Variants in PRG4 observed in about 807,000 individuals in gnomAD.
PRG4 encodes the protein proteoglycan 4.
A neutral mutation model predicts 91.2 loss-of-function variants in PRG4; 61 were observed. That is an observed-to-expected ratio of 0.67 (90% CI 0.54 to 0.83). PRG4 has a LOEUF of 0.83. Ranked by LOEUF, PRG4 falls within the 40% of genes least tolerant of loss-of-function variation. The pLI is 0.00. For missense variants in PRG4, 1,564 were observed against 1,714.2 expected (o/e 0.91, Z 1.55); for synonymous variants, 576 against 614.2 (o/e 0.94, Z 0.92).
In PRG4 at chr1:186,300,231, G is replaced by A. The variant is rs541693900; in HGVS notation, c.199+18G>A. 4 of 1,613,298 alleles carry A rather than the reference G, an allele frequency of 2.5e-6. No homozygotes were observed. The South Asian group carries it at 4.4e-5, about 18-fold the overall frequency. ...CACTGCGGGTAAGTCCTGAGAGCGG[G>A]TGTCTCCTCTGTCAAGCAACACTGC... On this transcript the variant is annotated intron_variant, in intron 3 of 12. Transcript: ENST00000445192.
chr1:186,311,409 G>T, intron 9 of PRG4, 31 bp from the exon 10 acceptor site: 1 of 1,602,052 alleles, frequency 6.2e-7, no homozygotes, highest in South Asian at 1.1e-5. Flanking sequence ...TCCCAAAGCT[G>T]ATAACATAAT....
At chr1:186,304,768 G>T in intron 5 of PRG4, 26 bp from the exon 6 acceptor site, 2 of 1,604,788 alleles carry the variant, frequency 1.2e-6, no homozygotes, top group Non-Finnish European at 1.7e-6. Flanking sequence ...CAGTTGGTGT[G>T]ATCAAACTTT....
chr1:186,312,406 A>G, intron 11 of PRG4, 34 bp downstream of exon 11: 2 of 1,557,242 alleles, frequency 1.3e-6, no homozygotes, highest in Non-Finnish European at 1.8e-6. Flanking sequence ...AAATCCTTAA[A>G]CATAAGTAGA....
intron 1 of PRG4, among the ~76,000 whole-genome samples, chr1:186,296,563 A>G (rs1396715320): frequency 6.6e-6 from 1 of 152,210 alleles, no homozygotes; most frequent in African/African-American, 2.4e-5. Flanking sequence ...TACATGCCAT[A>G]CTTTGGCTAG....
At chr1:186,303,511 A>G (rs1656353709) in intron 4 of PRG4, among the ~76,000 whole-genome samples, 1 of 152,044 alleles carries the variant, frequency 6.6e-6, no homozygotes, top group African/African-American at 2.4e-5. Context: ...GAGAAGCGGA[A>G]AAGGGAAGGG....
intron 6 of PRG4, among the ~76,000 whole-genome samples, chr1:186,305,898 G>C (rs1656523622): frequency 6.6e-6 from 1 of 152,180 alleles, no homozygotes; most frequent in Admixed American, 6.5e-5. Context: ...AGAGGTAGCT[G>C]TAGAGGCCTC....
Position 186,304,116 on chromosome 1 carries a change from C to G in PRG4, c.328C>G (p.Pro110Ala), listed in dbSNP as rs1426969040. Residue 110 changes from proline (P) to alanine (A), a missense_variant, in exon 5 of 13, where the codon CCC becomes GCC. Physicochemically the swap from Pro to Ala is conservative, Grantham distance 27. This residue lies in a region of PRG4 where 437 missense variants were observed against 459.0 expected (regional missense o/e 0.95). Transcript: ENST00000445192. ...YESFCAEVHNPTSPPSSKKAP... is the reference protein window; with the variant it reads ...YESFCAEVHNATSPPSSKKAP... ...GTCTTACTTGGCCTCAGTGCATAAT[C>G]CCACATCACCACCATCTTCAAAGAA... is the stretch of plus-strand genomic sequence containing the variant. The G allele has an allele frequency of 2.5e-6, 4 of 1,613,946 alleles. No homozygotes were observed. In the African/African-American group the frequency reaches 4.0e-5, roughly 16 times the overall value.
intron 10 of PRG4, 186 bp from the exon 11 acceptor site, chr1:186,311,986 TCAA>T (rs1010601439): frequency 1.5e-5 from 9 of 583,892 alleles, no homozygotes; most frequent in African/African-American, 1.1e-4. Flanking sequence ...ATCTATTCAT[TCAA>T]CAAGTATTTC....
Position 186,311,436 on chromosome 1 carries a change from T to C in PRG4, c.3637-4T>C. On this transcript the variant is annotated splice_region_variant and splice_polypyrimidine_tract_variant and intron_variant, in intron 9 of 12. Transcript: ENST00000445192. ...TAACATAATTTTCTCTTTTAAATTA[T>C]CAGGATTCTCAGTACTGGCGTTTTA... 1.9e-6 allele frequency: 3 copies of C among 1,612,286 alleles called. No homozygotes were observed. Among genetic ancestry groups the C allele is most frequent in the Non-Finnish European group, 2.5e-6 (3 of 1,178,556 alleles).
chr1:186,296,964 T>C lies in PRG4; in HGVS notation c.76+13T>C. 1 of 1,601,396 alleles carries C rather than the reference T, an allele frequency of 6.2e-7. No homozygotes were observed. Among genetic ancestry groups the C allele is most frequent in the African/African-American group, 1.3e-5 (1 of 74,770 alleles). ...GTTTCATCTCAAGGTAGCTTAACCA[T>C]CGAACATACTTTTATTTAACAACTA... On this transcript the variant is annotated intron_variant, in intron 2 of 12. Coordinates refer to ENST00000445192, the MANE Select transcript of PRG4 (RefSeq NM_005807.6).
intron 6 of PRG4, 79 bp downstream of exon 6, chr1:186,305,001 C>T (rs6425024): frequency 0.17 from 239,300 of 1,443,224 alleles, 21,249 homozygotes; most frequent in African/African-American, 0.28. Context: ...TGCGTGTTGG[C>T]AGAATGAGGA....
chr1:186,299,691 C>G (rs1038983151), intron 2 of PRG4, among the ~76,000 whole-genome samples: 19 of 152,244 alleles, frequency 1.2e-4, no homozygotes, highest in African/African-American at 4.6e-4. Flanking sequence ...GCTACTAAAT[C>G]CTGGAAACAT....
intron 5 of PRG4, 88 bp downstream of exon 5, chr1:186,304,345 C>G: frequency 7.0e-7 from 1 of 1,438,196 alleles, no homozygotes; most frequent in Non-Finnish European, 9.8e-7. Context: ...TCTCAGAGAA[C>G]AGGGTAATCT....
intron 2 of PRG4, among the ~76,000 whole-genome samples, chr1:186,298,552 AC>A (rs1655998573): frequency 6.6e-6 from 1 of 150,764 alleles, no homozygotes. Flanking sequence ...GTGCAGTGGC[AC>A]AATCTTGGCT....
Position 186,312,221 on chromosome 1 carries a change from G to A in PRG4, c.3840G>A (p.Lys1280=). 6.2e-7 allele frequency: 1 copy of A among 1,614,026 alleles called. No individual in the cohort carries two copies. The highest frequency in any genetic ancestry group is 1.3e-5 in the African/African-American group (1 of 75,024). The change falls in exon 11 of 13, where the codon AAG becomes AAA. Residue 1280 remains lysine (K), a synonymous_variant. Coordinates refer to ENST00000445192, the MANE Select transcript of PRG4 (RefSeq NM_005807.6). Reference sequence around the variant, plus strand: ...TTTATAAACAGGAACCTGTACAGAAGTGCCCTGGAAGAAGGCCTGCTCTAA... The same window carrying A: ...TTTATAAACAGGAACCTGTACAGAAATGCCCTGGAAGAAGGCCTGCTCTAA... The part of the protein sequence containing the change: ...QYIYKQEPVQ[K]CPGRRPALNY...
chr1:186,304,386 G>A (rs900873314), intron 5 of PRG4, 129 bp downstream of exon 5: 9 of 1,121,660 alleles, frequency 8.0e-6, no homozygotes, highest in Non-Finnish European at 1.2e-5. Flanking sequence ...ACACTCGAAG[G>A]TTTTAGACTT....
chr1:186,304,443 C>T (rs1160328050), intron 5 of PRG4, among the ~76,000 whole-genome samples, 186 bp downstream of exon 5: 16 of 152,238 alleles, frequency 1.1e-4, no homozygotes, highest in African/African-American at 3.9e-4. Flanking sequence ...TCAGCTCTTT[C>T]TGTATTTACC....
At chr1:186,311,669 CTT>C in intron 10 of PRG4, 73 bp downstream of exon 10, 1 of 1,443,390 alleles carries the variant, frequency 6.9e-7, no homozygotes, top group African/African-American at 1.4e-5. Context: ...TTATTATTGA[CTT>C]TACTGTCAAA....
At chr1:186,304,716 C>T (rs536871811) in intron 5 of PRG4, 78 bp from the exon 6 acceptor site, 2 of 1,518,030 alleles carry the variant, frequency 1.3e-6, no homozygotes, top group Admixed American at 1.7e-5. Context: ...AATAGCACTT[C>T]TTGCTGTGTT....
Sources: allele counts gnomAD v4.1 joint callset (sites outside exome capture counted in the v4.1 genomes callset), GRCh38; gene constraint gnomAD v4.1.1; regional missense constraint gnomAD v4.1.1; transcripts MANE v1.5; gene names NCBI Gene and HGNC (gene_info 2026-07-23, HGNC 2026-07-21).